The following SGSM1 variants were observed in gnomAD, a reference collection of about 807,000 sequenced individuals.
SGSM1 encodes small G protein signaling modulator 1, also known as RUN and TBC1 domain containing 2.
A neutral mutation model predicts 133.8 loss-of-function variants in SGSM1; 73 were observed. That is an observed-to-expected ratio of 0.55 (90% CI 0.45 to 0.66). The LOEUF (loss-of-function observed/expected upper bound fraction) is 0.66, where lower values mean the gene tolerates loss of function less well. Ranked by LOEUF, SGSM1 falls within the 30% of genes least tolerant of loss-of-function variation. SGSM1 has a pLI of 0.00. For missense variants in SGSM1, 1,213 were observed against 1,448.1 expected (o/e 0.84, Z 2.64); for synonymous variants, 563 against 573.0 (o/e 0.98, Z 0.25).
At chr22:24,821,809 A>C (rs1168397437) in intron 2 of SGSM1, among the ~76,000 whole-genome samples, 1 of 152,194 alleles carries the variant, frequency 6.6e-6, no homozygotes, top group Non-Finnish European at 1.5e-5. Context: ...AGCTGAGCAG[A>C]AGGTGCAGAG....
At chr22:24,821,879 G>A (rs1601890824) in intron 2 of SGSM1, among the ~76,000 whole-genome samples, 1 of 151,940 alleles carries the variant, frequency 6.6e-6, no homozygotes, top group African/African-American at 2.4e-5. Flanking sequence ...CAACATCCTC[G>A]GCCAGAGTGG....
Position 24,806,264 on chromosome 22 carries a change from A to G in SGSM1, c.-62A>G. 1.5e-6 allele frequency: 2 copies of G among 1,367,096 alleles called. No homozygotes were observed. The highest frequency in any genetic ancestry group is 9.4e-7 in the Non-Finnish European group (1 of 1,062,010). The allele number at this position is 1,367,096 out of a possible 1,614,324, so 84.7% of individuals were successfully genotyped here. ...GCTGCAGCAGCAGCGCCGCGGCCGG[A>G]GGAGCTACCGCCGCCACCGCCGCCA... On this transcript the variant is annotated 5_prime_UTR_variant, in exon 1 of 25. Coordinates refer to ENST00000400358, the MANE Select transcript of SGSM1 (RefSeq NM_001098497.3).
In SGSM1 at chr22:24,821,863, C is replaced by G. The variant is rs917673258; in HGVS notation, c.63+15379C>G. Reference sequence around the variant, plus strand: ...ACCCTGCCACATGTGCAGCCTACCCCACTGTCAACATCCTCGGCCAGAGTG... The same window carrying G: ...ACCCTGCCACATGTGCAGCCTACCCGACTGTCAACATCCTCGGCCAGAGTG... On this transcript the variant is annotated intron_variant, in intron 2 of 24. Coordinates refer to ENST00000400358, the MANE Select transcript of SGSM1 (RefSeq NM_001098497.3). 6.6e-5 allele frequency among the ~76,000 whole-genome samples: 10 copies of G among 152,244 alleles called. 1 individual carries two copies. The highest frequency in any genetic ancestry group is 2.4e-4 in the African/African-American group (10 of 41,542).
chr22:24,845,403 G>T (rs575364210), intron 3 of SGSM1, among the ~76,000 whole-genome samples: 3 of 152,152 alleles, frequency 2.0e-5, no homozygotes, highest in African/African-American at 7.2e-5. Flanking sequence ...GGCAGGCCGA[G>T]GGCTCAGAGC....
chr22:24,898,841 C>T (rs1466427253), intron 19 of SGSM1, among the ~76,000 whole-genome samples: 1 of 151,984 alleles, frequency 6.6e-6, no homozygotes, highest in African/African-American at 2.4e-5. Flanking sequence ...TCCTGGCTAA[C>T]ATGGTGAAAA....
chr22:24,867,703 G>A (rs914675762), intron 10 of SGSM1, among the ~76,000 whole-genome samples: 4 of 152,204 alleles, frequency 2.6e-5, no homozygotes, highest in South Asian at 2.1e-4. Context: ...TACAGTCAGA[G>A]TAAGCAGAGG....
intron 22 of SGSM1, among the ~76,000 whole-genome samples, chr22:24,913,774 C>G (rs1933719026): frequency 6.6e-6 from 1 of 152,180 alleles, no homozygotes; most frequent in Non-Finnish European, 1.5e-5. Flanking sequence ...AATCCCAGCA[C>G]TTTGGGAGGC....
intron 5 of SGSM1, among the ~76,000 whole-genome samples, chr22:24,854,061 A>G (rs1306599579): frequency 1.3e-5 from 2 of 151,974 alleles, no homozygotes; most frequent in African/African-American, 4.8e-5. Flanking sequence ...TGATTCAATT[A>G]CCTCCCCCTG....
intron 9 of SGSM1, among the ~76,000 whole-genome samples, chr22:24,866,308 C>T (rs1457717805): frequency 6.6e-6 from 1 of 152,130 alleles, no homozygotes; most frequent in Non-Finnish European, 1.5e-5. Context: ...ATTCTAGCCC[C>T]CATTTTATAG....
chr22:24,832,261 G>T (rs1929160248), intron 2 of SGSM1, among the ~76,000 whole-genome samples: 1 of 82,224 alleles, frequency 1.2e-5, no homozygotes, highest in African/African-American at 6.3e-5. Context: ...GATCTTTAGT[G>T]ATAGTAACTC....
intron 17 of SGSM1, among the ~76,000 whole-genome samples, chr22:24,894,400 G>A (rs1932869745): frequency 6.6e-6 from 1 of 152,178 alleles, no homozygotes; most frequent in Non-Finnish European, 1.5e-5. Flanking sequence ...TCAAAAAAAA[G>A]TTAATTTTCT....
At chr22:24,862,859 G>C (rs11090350) in intron 9 of SGSM1, among the ~76,000 whole-genome samples, 18,119 of 152,096 alleles carry the variant, frequency 0.12, 1,137 homozygotes, top group South Asian at 0.24. Context: ...ATCAAGTGGG[G>C]GAGTAGGACG....
At chr22:24,842,202 G>C (rs973337787) in intron 2 of SGSM1, among the ~76,000 whole-genome samples, 3 of 152,156 alleles carry the variant, frequency 2.0e-5, no homozygotes, top group African/African-American at 7.2e-5. Context: ...CTGCAGAGGG[G>C]AGAGAGGTGT....
chr22:24,817,174 G>A (rs1928142563), intron 2 of SGSM1, among the ~76,000 whole-genome samples: 1 of 152,174 alleles, frequency 6.6e-6, no homozygotes, highest in Non-Finnish European at 1.5e-5. Context: ...TGTGATGCGG[G>A]AGGTATACAC....
At chr22:24,845,228 C>G (rs1930030082) in intron 3 of SGSM1, among the ~76,000 whole-genome samples, 2 of 152,160 alleles carry the variant, frequency 1.3e-5, no homozygotes. Flanking sequence ...CGACCACACC[C>G]CAAGTGACAC....
At chr22:24,812,709 G>A (rs1927821931) in intron 2 of SGSM1, among the ~76,000 whole-genome samples, 1 of 152,126 alleles carries the variant, frequency 6.6e-6, no homozygotes, top group Non-Finnish European at 1.5e-5. Flanking sequence ...GGAAGTTTCA[G>A]CTAATAGCAG....
At chr22:24,837,578 A>AACCC (rs1929511694) in intron 2 of SGSM1, among the ~76,000 whole-genome samples, 1 of 51,898 alleles carries the variant, frequency 1.9e-5, no homozygotes, top group Non-Finnish European at 3.7e-5. Flanking sequence ...GGAAAGGGAG[A>AACCC]CCCCCCCCCC....
chr22:24,810,061 G>A (rs1018716175), intron 2 of SGSM1, among the ~76,000 whole-genome samples: 4 of 152,188 alleles, frequency 2.6e-5, no homozygotes, highest in Non-Finnish European at 4.4e-5. Flanking sequence ...CCGGAGCAGA[G>A]ACAAAGGAGA....
intron 2 of SGSM1, among the ~76,000 whole-genome samples, chr22:24,827,849 TCTCA>T (rs1330220445): frequency 1.3e-5 from 2 of 152,056 alleles, no homozygotes; most frequent in South Asian, 4.2e-4. Flanking sequence ...CATTCTGGGC[TCTCA>T]CTCTCTCAGC....
Sources: gnomAD v4.1 joint callset for allele counts (sites outside exome capture counted in the v4.1 genomes callset) on GRCh38, gnomAD v4.1.1 for gene constraint, MANE v1.5 for transcripts, NCBI Gene and HGNC (gene_info 2026-07-23, HGNC 2026-07-21) for gene names.